The following SYNPR variants were observed in gnomAD, a reference collection of about 807,000 sequenced individuals.
SYNPR encodes the protein synaptoporin.
A neutral mutation model predicts 32.9 loss-of-function variants in SYNPR; 23 were observed. The observed-to-expected ratio is 0.70, with a 90% CI of 0.50 to 0.99. SYNPR has a LOEUF of 0.99. Among genes scored for constraint, SYNPR ranks in the 50% least tolerant of loss-of-function variants. SYNPR has a pLI of 0.00. For synonymous variants in SYNPR, 146 were observed against 135.9 expected (o/e 1.07, Z -0.52); for missense variants, 318 against 349.3 (o/e 0.91, Z 0.71).
chr3:63,471,053 A>G (rs1700785899), intron 2 of SYNPR, among the ~76,000 whole-genome samples: 7 of 152,238 alleles, frequency 4.6e-5, no homozygotes, highest in Admixed American at 4.6e-4. Context: ...TTCCTTCTGT[A>G]GGGCCTATTC....
chr3:63,422,002 T>C (rs984341091), intron 2 of SYNPR, among the ~76,000 whole-genome samples: 1 of 152,240 alleles, frequency 6.6e-6, no homozygotes, highest in Non-Finnish European at 1.5e-5. Flanking sequence ...TAACTTAAAG[T>C]CAACTGATTA....
intron 2 of SYNPR, among the ~76,000 whole-genome samples, chr3:63,311,384 T>C (rs1014509746): frequency 6.6e-6 from 1 of 151,992 alleles, no homozygotes; most frequent in East Asian, 1.9e-4. Flanking sequence ...AAGTAGATAA[T>C]GTAGAGCAGG....
chr3:63,564,534 CTGAGA>C (rs894802025), intron 4 of SYNPR, among the ~76,000 whole-genome samples: 2 of 151,900 alleles, frequency 1.3e-5, no homozygotes, highest in Admixed American at 1.3e-4. Context: ...TCCTCACTCT[CTGAGA>C]TAAGAAGTGT....
intron 2 of SYNPR, among the ~76,000 whole-genome samples, chr3:63,291,009 C>T (rs916480704): frequency 6.6e-6 from 1 of 152,162 alleles, no homozygotes; most frequent in Admixed American, 6.5e-5. Context: ...TTACTGAGCA[C>T]AAACCCATGA....
intron 4 of SYNPR, among the ~76,000 whole-genome samples, chr3:63,557,902 T>C (rs1575709982): frequency 6.6e-6 from 1 of 152,324 alleles, no homozygotes; most frequent in East Asian, 1.9e-4. Context: ...ATACAGTTTA[T>C]CCCCCACCAA....
the SYNPR span, among the ~76,000 whole-genome samples, chr3:63,222,525 T>C: frequency 6.6e-6 from 1 of 152,142 alleles, no homozygotes; most frequent in African/African-American, 2.4e-5. Flanking sequence ...TTTGTTTGTT[T>C]GTTTGTTTTT....
chr3:63,606,417 C>CTTTTTTTTTTTTTTT lies in SYNPR; in HGVS notation c.409-2700_409-2686dup, dbSNP rs61299069. On this transcript the variant is annotated intron_variant, in intron 4 of 5. Coordinates refer to ENST00000478300, the MANE Select transcript of SYNPR (RefSeq NM_001130003.2). Reference sequence around the variant, plus strand: ...AATTAAGCAGGACCTCAAATCCTTTCTTTTTTTTTTTTTTTTTTTTTTAGC... The same window carrying CTTTTTTTTTTTTTTT: ...AATTAAGCAGGACCTCAAATCCTTTCTTTTTTTTTTTTTTTTTTTTTTTTTTTTTTTTTTTTTAGC... Among the ~76,000 whole-genome samples, 240 of 68,276 alleles carry CTTTTTTTTTTTTTTT rather than the reference C, an allele frequency of 3.5e-3. 49 individuals carry two copies. Among genetic ancestry groups the CTTTTTTTTTTTTTTT allele is most frequent in the African/African-American group, 7.6e-3 (142 of 18,778 alleles). 44.8% of individuals were successfully genotyped at this position (68,276 alleles called of 152,430 possible). A position where few individuals can be genotyped will look rare whatever the true frequency, so the allele number is the denominator to read the frequency against.
Position 63,308,153 on chromosome 3 carries a change from T to C in SYNPR, c.84+29411T>C, listed in dbSNP as rs74769578. ...TGAGAGATGAAAAGAAACTTAACTA[T>C]TTTTTGTTTGTTTGCTTTGTAATTG... On this transcript the variant is annotated intron_variant, in intron 2 of 5. Coordinates refer to ENST00000478300, the MANE Select transcript of SYNPR (RefSeq NM_001130003.2). 2.1e-3 allele frequency among the ~76,000 whole-genome samples: 319 copies of C among 152,154 alleles called. 7 individuals carry two copies. The East Asian group carries it at 0.054, about 26-fold the overall frequency.
intron 4 of SYNPR, among the ~76,000 whole-genome samples, chr3:63,597,550 C>A (rs1426609697): frequency 1.3e-5 from 2 of 152,140 alleles, no homozygotes; most frequent in Non-Finnish European, 2.9e-5. Flanking sequence ...GAATGCCTTT[C>A]TCTCTATGTA....
At chr3:63,474,714 CCAA>C (rs1207068486) in intron 2 of SYNPR, among the ~76,000 whole-genome samples, 4 of 152,110 alleles carry the variant, frequency 2.6e-5, no homozygotes, top group African/African-American at 9.7e-5. Context: ...CTTAGTGGTA[CCAA>C]CCACTTGGTC....
chr3:63,576,498 C>A (rs1399109952), intron 4 of SYNPR, among the ~76,000 whole-genome samples: 1 of 151,978 alleles, frequency 6.6e-6, no homozygotes, highest in African/African-American at 2.4e-5. Context: ...GCATAGAAAA[C>A]ACGTTATCTG....
chr3:63,475,622 T>C (rs1242481651), intron 2 of SYNPR, among the ~76,000 whole-genome samples: 5 of 152,292 alleles, frequency 3.3e-5, no homozygotes, highest in South Asian at 2.1e-4. Context: ...ACCATGTCTT[T>C]ACATCTCTCA....
chr3:63,355,445 G>A (rs1277628551), intron 2 of SYNPR, among the ~76,000 whole-genome samples: 2 of 152,086 alleles, frequency 1.3e-5, no homozygotes, highest in Non-Finnish European at 2.9e-5. Context: ...AGTGCCATTG[G>A]TAATGGCTTT....
chr3:63,403,791 A>C (rs2088324054), intron 2 of SYNPR, among the ~76,000 whole-genome samples: 1 of 152,136 alleles, frequency 6.6e-6, no homozygotes, highest in Non-Finnish European at 1.5e-5. Flanking sequence ...GAGAACAAGG[A>C]AGAGGGTAGC....
intron 4 of SYNPR, among the ~76,000 whole-genome samples, chr3:63,583,375 A>G (rs186137253): frequency 1.4e-3 from 212 of 152,242 alleles, no homozygotes; most frequent in African/African-American, 4.4e-3. Flanking sequence ...AAGAGGCCTG[A>G]CATTCCTGTC....
intron 3 of SYNPR, among the ~76,000 whole-genome samples, chr3:63,521,651 T>C (rs1474039762): frequency 6.6e-6 from 1 of 152,166 alleles, no homozygotes; most frequent in Non-Finnish European, 1.5e-5. Context: ...CTGCAGCCAA[T>C]ACTCTGGAGG....
chr3:63,261,806 T>A (rs2086440483), intron 2 of SYNPR, among the ~76,000 whole-genome samples: 1 of 149,712 alleles, frequency 6.7e-6, no homozygotes, highest in African/African-American at 2.5e-5. Flanking sequence ...ATGTTCTCAC[T>A]CATAGGTGGG....
intron 3 of SYNPR, among the ~76,000 whole-genome samples, chr3:63,499,904 A>ATC (rs974340777): frequency 7.4e-6 from 1 of 135,536 alleles, no homozygotes; most frequent in African/African-American, 3.1e-5. Flanking sequence ...AGAAAAGATA[A>ATC]TCACACACAC....
intron 4 of SYNPR, among the ~76,000 whole-genome samples, chr3:63,596,260 C>T (rs985565446): frequency 1.4e-5 from 2 of 145,874 alleles, no homozygotes; most frequent in African/African-American, 5.1e-5. Flanking sequence ...ATTCCTTCCC[C>T]CCTTCTTCTC....
Sources: allele counts gnomAD v4.1 joint callset (sites outside exome capture counted in the v4.1 genomes callset), GRCh38; gene constraint gnomAD v4.1.1; transcripts MANE v1.5; gene names NCBI Gene and HGNC (gene_info 2026-07-23, HGNC 2026-07-21).